SPNS3: variants seen among roughly 807,000 people sequenced by gnomAD.
SPNS3 encodes the protein protein spinster homolog 3.
Under a neutral mutation model 54.4 loss-of-function variants are expected in SPNS3, and 51 were observed. The ratio of observed to expected loss-of-function variants is 0.94; its 90% CI spans 0.75 to 1.18. The LOEUF is 1.18. Among genes scored for constraint, SPNS3 ranks in the 50% most tolerant of loss-of-function variants. SPNS3 has a pLI of 0.00. For synonymous variants in SPNS3, 309 were observed against 294.7 expected (o/e 1.05, Z -0.50); for missense variants, 669 against 677.4 (o/e 0.99, Z 0.14).
At chr17:4,479,629 C>T (rs1972102990) in intron 9 of SPNS3, among the ~76,000 whole-genome samples, 1 of 152,264 alleles carries the variant, frequency 6.6e-6, no homozygotes, top group African/African-American at 2.4e-5. Flanking sequence ...CTCCTGGCAG[C>T]CTGGCACAGT....
intron 8 of SPNS3, among the ~76,000 whole-genome samples, chr17:4,475,923 G>A (rs1043816009): frequency 2.0e-5 from 3 of 152,208 alleles, no homozygotes; most frequent in Non-Finnish European, 2.9e-5. Context: ...TGCAAAGCGG[G>A]GTTACCATCT....
intron 8 of SPNS3, among the ~76,000 whole-genome samples, chr17:4,458,171 C>T (rs1184719486): frequency 6.6e-6 from 1 of 152,182 alleles, no homozygotes; most frequent in East Asian, 1.9e-4. Flanking sequence ...TTCCCTGGCT[C>T]ATGCCTTGCT....
intron 2 of SPNS3, among the ~76,000 whole-genome samples, chr17:4,443,263 A>G (rs901269642): frequency 3.3e-5 from 5 of 151,986 alleles, no homozygotes; most frequent in Admixed American, 1.3e-4. Flanking sequence ...TAGAGATGGG[A>G]TTTTACCATG....
intron 1 of SPNS3, among the ~76,000 whole-genome samples, chr17:4,438,464 C>T (rs1970769078): frequency 1.3e-5 from 2 of 152,328 alleles, no homozygotes; most frequent in Admixed American, 6.5e-5. Flanking sequence ...AATGACAGGG[C>T]CAGAGCCGCA....
chr17:4,487,949 C>G lies in SPNS3; in HGVS notation c.*55C>G. The G allele has an allele frequency of 6.6e-7, 1 of 1,509,480 alleles. No individual in the cohort carries two copies. The highest frequency in any genetic ancestry group is 2.2e-5 in the East Asian group (1 of 44,562). 93.5% of individuals were successfully genotyped at this position (1,509,480 alleles called of 1,614,324 possible). A position where few individuals can be genotyped will look rare whatever the true frequency, so the allele number is the denominator to read the frequency against. ...AGCCTCCCGTTGGTCCCCACAGCAG[C>G]AGTGCCTCGGTTCCTCTTTGGCTGT... On this transcript the variant is annotated 3_prime_UTR_variant, in exon 12 of 12. Coordinates refer to ENST00000355530, the MANE Select transcript of SPNS3 (RefSeq NM_182538.5).
rs760478941 is a variant in SPNS3 at position 4,434,175 on chromosome 17, G to C, written c.199+9G>C. 18 of 1,604,392 alleles carry C rather than the reference G, an allele frequency of 1.1e-5. No homozygotes were observed. Among genetic ancestry groups the C allele is most frequent in the Non-Finnish European group, 1.5e-5 (18 of 1,174,824 alleles). ...CTGGTTCATCATTGCAGGTGAGGAG[G>C]GGATGGCTACCCTGGGCAGTACCTG... On this transcript the variant is annotated intron_variant, in intron 1 of 11. Transcript: ENST00000355530.
chr17:4,474,943 T>C (rs545991693), intron 8 of SPNS3, among the ~76,000 whole-genome samples: 114 of 152,280 alleles, frequency 7.5e-4, no homozygotes, highest in African/African-American at 2.7e-3. Flanking sequence ...ATTGTGGGTG[T>C]CCGTGTGTGG....
intron 8 of SPNS3, among the ~76,000 whole-genome samples, chr17:4,458,109 A>G (rs16953943): frequency 0.04 from 6,072 of 151,140 alleles, 344 homozygotes; most frequent in African/African-American, 0.13. Flanking sequence ...ACTGTCAGTC[A>G]CAAAGCCCTT....
intron 8 of SPNS3, among the ~76,000 whole-genome samples, chr17:4,467,791 G>C (rs1474739214): frequency 6.6e-6 from 1 of 152,118 alleles, no homozygotes; most frequent in Non-Finnish European, 1.5e-5. Context: ...TCAGCCTCCA[G>C]AGTAGCTGGG....
rs771063029 is a variant in SPNS3, at chr17:4,439,644, C to T, written c.200-14C>T. The T allele has an allele frequency of 4.9e-5, 79 of 1,611,294 alleles. No homozygotes were observed. The highest frequency in any genetic ancestry group is 6.4e-5 in the Non-Finnish European group (76 of 1,178,910). On this transcript the variant is annotated splice_polypyrimidine_tract_variant and intron_variant, in intron 1 of 11. Coordinates refer to ENST00000355530, the MANE Select transcript of SPNS3 (RefSeq NM_182538.5). ...CTACTTCCCGTTTCCTGAGCACTGTCCCTCTGTCTGCAGGAGTGCTGCTGG... is the reference window on the plus strand; with the variant it reads ...CTACTTCCCGTTTCCTGAGCACTGTTCCTCTGTCTGCAGGAGTGCTGCTGG...
chr17:4,434,580 T>G (rs1246498186), intron 1 of SPNS3, among the ~76,000 whole-genome samples: 2 of 151,900 alleles, frequency 1.3e-5, no homozygotes, highest in Non-Finnish European at 2.9e-5. Flanking sequence ...CACTGCAACC[T>G]CTGTCTCCCA....
Position 4,458,927 on chromosome 17 carries a change from C to G in SPNS3, c.1113+5722C>G, listed in dbSNP as rs1471035544. 2.6e-5 allele frequency among the ~76,000 whole-genome samples: 4 copies of G among 152,076 alleles called. No individual in the cohort carries two copies. The East Asian group carries it at 5.8e-4, about 22-fold the overall frequency. On this transcript the variant is annotated intron_variant, in intron 8 of 11. Coordinates refer to ENST00000355530, the MANE Select transcript of SPNS3 (RefSeq NM_182538.5). ...CCCCTTATCCCGGCATTTAAAGCCC[C>G]TCATGAACTTCTCCAATAACCTTAG... is the stretch of plus-strand genomic sequence containing the variant.
intron 4 of SPNS3, chr17:4,446,467 C>G (rs1472094551): frequency 6.1e-6 from 3 of 492,152 alleles, no homozygotes; most frequent in Non-Finnish European, 1.1e-5. Context: ...GGCAGTGTGG[C>G]CCACCCAGGG....
Position 4,487,863 on chromosome 17 carries a change from C to G in SPNS3, c.1508C>G (p.Ser503Trp), listed in dbSNP as rs371611508. 7.4e-6 allele frequency: 12 copies of G among 1,613,972 alleles called. No homozygotes were observed. The highest frequency in any genetic ancestry group is 1.3e-5 in the African/African-American group (1 of 74,962). ...GACCTGGAGAGACAAGGCCTACTTTCGGGCGCTGGCGCCTCTACAGAGGAG... is the reference window on the plus strand; with the variant it reads ...GACCTGGAGAGACAAGGCCTACTTTGGGGCGCTGGCGCCTCTACAGAGGAG... ...SNDLERQGLLSGAGASTEEP is the reference protein window; with the variant it reads ...SNDLERQGLLWGAGASTEEP The change falls in exon 12 of 12, where the codon TCG becomes TGG. Residue 503 changes from serine (S) to tryptophan (W), a missense_variant. Coordinates refer to ENST00000355530, the MANE Select transcript of SPNS3 (RefSeq NM_182538.5).
At chr17:4,484,573 A>T (rs1202329407) in intron 9 of SPNS3, among the ~76,000 whole-genome samples, 1 of 152,142 alleles carries the variant, frequency 6.6e-6, no homozygotes, top group Non-Finnish European at 1.5e-5. Flanking sequence ...CACCTGCCTC[A>T]GTCTCCCAAA....
chr17:4,468,980 G>A (rs534172565), intron 8 of SPNS3, among the ~76,000 whole-genome samples: 2 of 151,832 alleles, frequency 1.3e-5, no homozygotes, highest in Non-Finnish European at 2.9e-5. Flanking sequence ...AGAGACGGGG[G>A]TTTCACGATG....
In SPNS3 at chr17:4,436,538, G is replaced by A. The variant is rs62066153; in HGVS notation, c.199+2372G>A. 2.0e-4 allele frequency among the ~76,000 whole-genome samples: 21 copies of A among 107,070 alleles called. 1 individual carries two copies. Among genetic ancestry groups the A allele is most frequent in the South Asian group, 1.1e-3 (4 of 3,728 alleles). The allele number at this position is 107,070 out of a possible 152,430, so 70.2% of individuals were successfully genotyped here. ...CAGGAGGATTGCTTGAGGCTGAAGC[G>A]GGAGGATTGCTTGAGGCTGCGGTGA... On this transcript the variant is annotated intron_variant, in intron 1 of 11. Coordinates refer to ENST00000355530, the MANE Select transcript of SPNS3 (RefSeq NM_182538.5).
intron 8 of SPNS3, 113 bp from the exon 9 acceptor site, chr17:4,478,459 A>G: frequency 1.1e-6 from 1 of 942,090 alleles, no homozygotes; most frequent in East Asian, 2.7e-5. Flanking sequence ...ATAAGTCTCA[A>G]TAATGCCTTT....
intron 8 of SPNS3, among the ~76,000 whole-genome samples, chr17:4,475,624 G>A (rs375781366): frequency 7.9e-5 from 12 of 152,268 alleles, no homozygotes; most frequent in African/African-American, 2.9e-4. Flanking sequence ...CCTGTCTCCT[G>A]GCTGGCTCAG....
Sources: gnomAD v4.1 joint callset for allele counts (sites outside exome capture counted in the v4.1 genomes callset) on GRCh38, gnomAD v4.1.1 for gene constraint, MANE v1.5 for transcripts, NCBI Gene and HGNC (gene_info 2026-07-23, HGNC 2026-07-21) for gene names.